Variants in TUBA3D observed in about 807,000 individuals in gnomAD.
The protein encoded by TUBA3D is tubulin alpha-3D chain.
TUBA3D carries 24 observed loss-of-function variants against 36.1 expected under a neutral mutation model. The observed-to-expected ratio is 0.66, with a 90% confidence interval of 0.48 to 0.93. TUBA3D has a LOEUF of 0.93. Among genes scored for constraint, TUBA3D ranks in the 40% least tolerant of loss-of-function variants. The pLI is 0.00. For synonymous variants in TUBA3D, 185 were observed against 247.2 expected (o/e 0.75, Z 2.36); for missense variants, 356 against 614.5 (o/e 0.58, Z 4.45).
intron 4 of TUBA3D, 78 bp from the exon 5 acceptor site, chr2:131,482,474 T>C (rs3900678): frequency 0.1 from 154,909 of 1,532,480 alleles, 12,386 homozygotes; most frequent in African/African-American, 0.43. Flanking sequence ...CAGGGTGTCT[T>C]CTGTTTGAGG....
intron 1 of TUBA3D, among the ~76,000 whole-genome samples, chr2:131,477,955 A>T (rs575991637): frequency 1.3e-5 from 2 of 152,268 alleles, no homozygotes; most frequent in Non-Finnish European, 2.9e-5. Context: ...TTCTAGGGCT[A>T]CCTCTAGAAC....
At position 131,482,618 on chromosome 2, in the gene TUBA3D, G is replaced by A. The variant is rs140890567; in HGVS notation, c.1123G>A (p.Val375Met). The stretch of plus-strand genomic sequence containing the variant: ...AGACCTGGCCAAGGTGCAGCGGGCC[G>A]TGTGCATGCTGAGCAACACCACGGC... The part of the protein sequence containing the change: ...GGDLAKVQRA[V>M]CMLSNTTAIA... Residue 375 changes from valine (V) to methionine (M), a missense_variant, in exon 5 of 5, where the codon GTG (valine) becomes ATG (methionine). Around this residue, in one of 3 missense-constraint regions of TUBA3D, gnomAD observed 156 missense variants for 219.8 expected, o/e 0.71. Coordinates refer to ENST00000321253, the MANE Select transcript of TUBA3D (RefSeq NM_080386.4). 1.5e-5 allele frequency: 24 copies of A among 1,614,078 alleles called. No individual in the cohort carries two copies. Among genetic ancestry groups the A allele is most frequent in the African/African-American group, 5.3e-5 (4 of 74,936 alleles).
At chr2:131,478,914 G>A (rs1427449978) in intron 2 of TUBA3D, 6 of 214,966 alleles carry the variant, frequency 2.8e-5, no homozygotes, top group African/African-American at 1.4e-4. Context: ...GTCATCCAGG[G>A]TGCCCTGATG....
At position 131,478,180 on chromosome 2, in the gene TUBA3D, T is replaced by G. The variant is rs760926055; in HGVS notation, c.20T>G (p.Ile7Ser). ...TGTTCACAGCGCGAGTGTATCTCTA[T>G]CCACGTGGGGCAGGCGGGTGTCCAG... MRECIS[I>S]HVGQAGVQIG... The change falls in exon 2 of 5, where the codon ATC becomes AGC. Residue 7 changes from isoleucine (I) to serine (S), a missense_variant. Ile to Ser is a moderately radical substitution (Grantham distance 142, BLOSUM62 -2). Transcript: ENST00000321253. The G allele has an allele frequency of 3.7e-6, 6 of 1,613,696 alleles. No homozygotes were observed. The highest frequency in any genetic ancestry group is 1.1e-5 in the South Asian group (1 of 90,998).
At chr2:131,479,261 T>C in intron 2 of TUBA3D, 47 bp from the exon 3 acceptor site, 3 of 1,594,990 alleles carry the variant, frequency 1.9e-6, no homozygotes, top group Non-Finnish European at 1.7e-6. Context: ...TCCATCTTGG[T>C]GAGTACAGGC....
rs762791517 is a variant in TUBA3D, at chr2:131,479,476, T to C, written c.375+20T>C. The C allele has an allele frequency of 6.8e-6, 11 of 1,609,304 alleles. No homozygotes were observed. The East Asian group carries it at 1.8e-4, about 26-fold the overall frequency. ...AAACTGGTAAGAAGAGAAGGTTTCA[T>C]GTGGCCATTTTCTTGCATGGGAGGG... On this transcript the variant is annotated intron_variant, in intron 3 of 4. Transcript: ENST00000321253.
intron 3 of TUBA3D, among the ~76,000 whole-genome samples, chr2:131,479,866 G>A (rs958228661): frequency 2.2e-4 from 34 of 152,262 alleles, no homozygotes; most frequent in Non-Finnish European, 4.3e-4. Context: ...ACTTAGACCA[G>A]CATCTTGAGT....
intron 4 of TUBA3D, 54 bp from the exon 5 acceptor site, chr2:131,482,498 A>G: frequency 1.3e-6 from 2 of 1,542,290 alleles, no homozygotes; most frequent in Non-Finnish European, 1.7e-6. Flanking sequence ...AGTAGCTACC[A>G]TTTCTAGGTT....
Position 131,480,297 on chromosome 2 carries a change from T to G in TUBA3D, c.604T>G (p.Phe202Val). The G allele has an allele frequency of 6.2e-7, 1 of 1,613,540 alleles. No homozygotes were observed. ...GACCCTGGAACATTCTGACTGTGCC[T>G]TCATGGTCGACAATGAAGCCATCTA... The part of the protein sequence containing the change: ...HTTLEHSDCA[F>V]MVDNEAIYDI... Residue 202 changes from phenylalanine to valine, a missense_variant, in exon 4 of 5, where the codon TTC (phenylalanine) becomes GTC (valine). Physicochemically the swap from Phe to Val is conservative, Grantham distance 50. Around this residue, in one of 3 missense-constraint regions of TUBA3D, gnomAD observed 91 missense variants for 240.9 expected, o/e 0.38. Transcript: ENST00000321253.
In TUBA3D at chr2:131,480,646, T is replaced by C. The variant is rs1479148165; in HGVS notation, c.953T>C (p.Leu318Ser). 1.2e-6 allele frequency: 2 copies of C among 1,613,792 alleles called. No individual in the cohort carries two copies. The highest frequency in any genetic ancestry group is 1.1e-5 in the South Asian group (1 of 91,072). The change falls in exon 4 of 5, where the codon TTG becomes TCG. Residue 318 changes from leucine to serine, a missense_variant. Physicochemically the swap from Leu to Ser is moderately radical, Grantham distance 145. Around this residue, in one of 3 missense-constraint regions of TUBA3D, gnomAD observed 156 missense variants for 219.8 expected, o/e 0.71. Transcript: ENST00000321253. ...GGCAAGTACATGGCCTGCTGCATGT[T>C]GTACAGGGGGGACGTGGTCCCCAAA... The part of the protein sequence containing the change: ...RHGKYMACCM[L>S]YRGDVVPKDV...
At position 131,480,237 on chromosome 2, in the gene TUBA3D, G is replaced by A. The variant is rs1678811346; in HGVS notation, c.544G>A (p.Val182Met). ...YPAPQVSTAV[V>M]EPYNSILTTH... ...AGCCCCCCAGGTCTCCACAGCCGTGGTGGAGCCCTACAACTCCATCCTGAC... is the reference window on the plus strand; with the variant it reads ...AGCCCCCCAGGTCTCCACAGCCGTGATGGAGCCCTACAACTCCATCCTGAC... Residue 182 changes from valine (V) to methionine (M), a missense_variant, in exon 4 of 5, where the codon GTG becomes ATG. By Grantham distance (21) the Val-to-Met change is conservative. Transcript: ENST00000321253. 2 of 1,613,940 alleles carry A rather than the reference G, an allele frequency of 1.2e-6. No homozygotes were observed. The highest frequency in any genetic ancestry group is 1.1e-5 in the South Asian group (1 of 91,066).
rs775292587 is a variant in TUBA3D at position 131,478,313 on chromosome 2, G to A, written c.153G>A (p.Thr51=). ...TIGGGDDSFN[T]FFSETGAGKH... ...GTGGCGGGGACGACTCCTTCAACAC[G>A]TTCTTCAGTGAGACTGGAGCTGGCA... Residue 51 remains threonine, a synonymous_variant, in exon 2 of 5, where the codon ACG becomes ACA. Coordinates refer to ENST00000321253, the MANE Select transcript of TUBA3D (RefSeq NM_080386.4). 5 of 1,613,992 alleles carry A rather than the reference G, an allele frequency of 3.1e-6. No individual in the cohort carries two copies. The highest frequency in any genetic ancestry group is 3.3e-4 in the Middle Eastern group (2 of 6,056).
intron 1 of TUBA3D, 129 bp downstream of exon 1, chr2:131,476,331 G>T: frequency 6.7e-7 from 1 of 1,490,930 alleles, no homozygotes; most frequent in East Asian, 2.4e-5. Flanking sequence ...GTCTAGTGCG[G>T]GACAGGAGGA....
chr2:131,480,001 C>T, intron 3 of TUBA3D, 68 bp from the exon 4 acceptor site: 1 of 1,517,360 alleles, frequency 6.6e-7, no homozygotes, highest in Non-Finnish European at 8.8e-7. Flanking sequence ...GAGAAGCGGC[C>T]CTGGCTTGTT....
At chr2:131,480,888 T>C (rs1322491337) in intron 4 of TUBA3D, 139 bp downstream of exon 4, 4 of 1,247,880 alleles carry the variant, frequency 3.2e-6, no homozygotes, top group South Asian at 1.5e-5. Context: ...TGAACCAGAG[T>C]TGATAATTGA....
Position 131,479,319 on chromosome 2 carries a change from A to G in TUBA3D, c.238A>G (p.Thr80Ala). The stretch of plus-strand genomic sequence containing the variant: ...TGTCTCTTTTGCAGATGAAGTGCGC[A>G]CAGGGACCTACAGGCAGCTCTTCCA... ...LEPTVVDEVR[T>A]GTYRQLFHPE... Residue 80 changes from threonine (T) to alanine (A), a missense_variant, in exon 3 of 5, where the codon ACA becomes GCA. Coordinates refer to ENST00000321253, the MANE Select transcript of TUBA3D (RefSeq NM_080386.4). 6.2e-7 allele frequency: 1 copy of G among 1,614,040 alleles called. No homozygotes were observed.
At chr2:131,481,005 A>G (rs1358036577) in intron 4 of TUBA3D, among the ~76,000 whole-genome samples, 3 of 150,862 alleles carry the variant, frequency 2.0e-5, no homozygotes, top group Non-Finnish European at 4.4e-5. Flanking sequence ...CCGGGTTCAA[A>G]CAATTCTCTG....
chr2:131,477,767 C>A (rs1294269651), intron 1 of TUBA3D, among the ~76,000 whole-genome samples: 2 of 151,762 alleles, frequency 1.3e-5, no homozygotes, highest in Admixed American at 6.5e-5. Flanking sequence ...TGACCTGGGA[C>A]CTACTCTGTA....
chr2:131,481,326 T>C (rs565475216), intron 4 of TUBA3D, among the ~76,000 whole-genome samples: 2 of 152,140 alleles, frequency 1.3e-5, no homozygotes, highest in African/African-American at 4.8e-5. Context: ...TGTAGTATAG[T>C]AGTGTGATCT....
Sources: gnomAD v4.1 joint callset for allele counts (sites outside exome capture counted in the v4.1 genomes callset) on GRCh38, gnomAD v4.1.1 for gene constraint, gnomAD v4.1.1 regional missense constraint, MANE v1.5 for transcripts, NCBI Gene and HGNC (gene_info 2026-07-23, HGNC 2026-07-21) for gene names.